The following SNX29 variants were observed in gnomAD, a reference collection of about 807,000 sequenced individuals.
SNX29 encodes the protein sorting nexin 29, also known as sorting nexin-29.
In SNX29, 78 loss-of-function variants were observed where a neutral mutation model predicts 102.1. That is an observed-to-expected ratio of 0.76 (90% confidence interval 0.64 to 0.92). The LOEUF (loss-of-function observed/expected upper bound fraction) is 0.92, where lower values mean the gene tolerates loss of function less well. SNX29 is among the 40% of genes least tolerant of loss of function. The pLI, the probability that SNX29 is intolerant of heterozygous loss-of-function variation, is 0.00. For synonymous variants in SNX29, 580 were observed against 414.5 expected, an observed-to-expected ratio of 1.40 and a Z score of -4.85; for missense variants, 1,280 against 1,061.7, an observed-to-expected ratio of 1.21 and a Z score of -2.86.
intron 19 of SNX29, chr16:12,515,421 T>A: frequency 2.2e-6 from 1 of 449,250 alleles, no homozygotes; most frequent in South Asian, 1.7e-5. Flanking sequence ...GGATGAATGA[T>A]TGCACCCCAT....
At chr16:12,222,650 C>T (rs1022558564) in intron 14 of SNX29, among the ~76,000 whole-genome samples, 3 of 152,176 alleles carry the variant, frequency 2.0e-5, no homozygotes, top group Non-Finnish European at 4.4e-5. Flanking sequence ...CTCCCTGCAA[C>T]TTCTGTCTCC....
chr16:12,039,296 C>T (rs1198116204), intron 4 of SNX29, among the ~76,000 whole-genome samples: 1 of 152,130 alleles, frequency 6.6e-6, no homozygotes, highest in Non-Finnish European at 1.5e-5. Flanking sequence ...CTGGGCGATT[C>T]TGCACTTTTG....
At chr16:12,401,522 C>G (rs140403925) in intron 17 of SNX29, among the ~76,000 whole-genome samples, 1 of 151,720 alleles carries the variant, frequency 6.6e-6, no homozygotes, top group African/African-American at 2.4e-5. Context: ...TGCCACCATG[C>G]CCAGCTAATT....
At chr16:12,553,080 C>T (rs756430722) in intron 20 of SNX29, among the ~76,000 whole-genome samples, 7 of 152,330 alleles carry the variant, frequency 4.6e-5, no homozygotes, top group South Asian at 2.1e-4. Context: ...CACTCACCTG[C>T]ATATAGTTCA....
intron 18 of SNX29, among the ~76,000 whole-genome samples, chr16:12,457,058 G>T (rs562991011): frequency 6.6e-6 from 1 of 152,288 alleles, no homozygotes; most frequent in African/African-American, 2.4e-5. Context: ...TGTGATGTCA[G>T]ACCAGACCCC....
intron 20 of SNX29, among the ~76,000 whole-genome samples, chr16:12,555,904 A>C (rs1049161456): frequency 2.0e-5 from 3 of 151,554 alleles, no homozygotes; most frequent in East Asian, 3.9e-4. Context: ...TCTTGGTCTC[A>C]AACCTTATTT....
chr16:12,235,884 A>C (rs1300450636), intron 14 of SNX29, among the ~76,000 whole-genome samples: 2 of 152,058 alleles, frequency 1.3e-5, no homozygotes, highest in Non-Finnish European at 2.9e-5. Flanking sequence ...GTGTATAGAA[A>C]CCTTAGGAAA....
chr16:12,079,271 A>G (rs2051742797), intron 11 of SNX29, among the ~76,000 whole-genome samples: 1 of 152,228 alleles, frequency 6.6e-6, no homozygotes, highest in Non-Finnish European at 1.5e-5. Flanking sequence ...AGTGAAGAAG[A>G]ATATGTCTCT....
intron 15 of SNX29, among the ~76,000 whole-genome samples, chr16:12,355,400 A>G (rs1418902497): frequency 6.6e-6 from 1 of 152,166 alleles, no homozygotes; most frequent in Non-Finnish European, 1.5e-5. Context: ...TTCGCACTGC[A>G]TACAGTGTAG....
At chr16:12,427,638 G>T (rs911556399) in intron 18 of SNX29, among the ~76,000 whole-genome samples, 2 of 152,220 alleles carry the variant, frequency 1.3e-5, no homozygotes, top group Non-Finnish European at 2.9e-5. Context: ...ATGCTTGGAG[G>T]TTAATAAAAC....
chr16:12,561,890 G>T (rs943504205), intron 20 of SNX29, among the ~76,000 whole-genome samples: 1 of 152,124 alleles, frequency 6.6e-6, no homozygotes, highest in East Asian at 1.9e-4. Flanking sequence ...AGGTGACCGT[G>T]GCATCCCAGG....
At chr16:12,567,053 A>G (rs1197330270) in intron 20 of SNX29, among the ~76,000 whole-genome samples, 1 of 152,264 alleles carries the variant, frequency 6.6e-6, no homozygotes, top group Admixed American at 6.5e-5. Flanking sequence ...TGAAGATGCT[A>G]GGCTGTTTCA....
chr16:12,334,422 A>G (rs1340283591), intron 15 of SNX29, among the ~76,000 whole-genome samples: 2 of 152,064 alleles, frequency 1.3e-5, no homozygotes, highest in Non-Finnish European at 2.9e-5. Context: ...GTGCATTCGA[A>G]TGTTCTTTTG....
At chr16:12,388,487 T>C (rs2083411093) in intron 16 of SNX29, among the ~76,000 whole-genome samples, 1 of 152,250 alleles carries the variant, frequency 6.6e-6, no homozygotes, top group Non-Finnish European at 1.5e-5. Context: ...GAGATTTCCC[T>C]GAAATTACAA....
Position 12,572,915 on chromosome 16 carries a change from T to C in SNX29, c.*4286T>C. Reference sequence around the variant, plus strand: ...CATTTCGCTCGGAATCACGGCAGACTTGGAGTGTTTCTTCAAGGCAGGCAT... The same window carrying C: ...CATTTCGCTCGGAATCACGGCAGACCTGGAGTGTTTCTTCAAGGCAGGCAT... On this transcript the variant is annotated 3_prime_UTR_variant, in exon 21 of 21. Transcript: ENST00000566228. 1 of 990,946 alleles carries C rather than the reference T, an allele frequency of 1.0e-6. No homozygotes were observed. The highest frequency in any genetic ancestry group is 1.2e-6 in the Non-Finnish European group (1 of 812,258). 61.4% of individuals were successfully genotyped at this position (990,946 alleles called of 1,614,324 possible).
intron 20 of SNX29, among the ~76,000 whole-genome samples, chr16:12,559,692 G>A (rs9939547): frequency 0.56 from 85,015 of 151,864 alleles, 24,766 homozygotes; most frequent in Middle Eastern, 0.71. Flanking sequence ...GTAACTTCTC[G>A]AGCTTCCCAT....
At chr16:12,535,713 C>T (rs1420265359) in intron 20 of SNX29, among the ~76,000 whole-genome samples, 4 of 152,096 alleles carry the variant, frequency 2.6e-5, no homozygotes, top group African/African-American at 9.7e-5. Context: ...CTCTGTGCCC[C>T]TTGTAAACAA....
intron 16 of SNX29, among the ~76,000 whole-genome samples, chr16:12,369,902 G>A (rs550482365): frequency 7.2e-5 from 11 of 152,192 alleles, no homozygotes; most frequent in South Asian, 6.2e-4. Flanking sequence ...TTTTTTGAAC[G>A]ATTTCTTCTT....
At chr16:12,527,368 AAAT>A in intron 20 of SNX29, 1 of 505,802 alleles carries the variant, frequency 2.0e-6, no homozygotes, top group Non-Finnish European at 3.8e-6. Context: ...AAAAAATAAA[AAAT>A]AAAAATCTCC....
Sources: allele counts gnomAD v4.1 joint callset (sites outside exome capture counted in the v4.1 genomes callset), GRCh38; gene constraint gnomAD v4.1.1; transcripts MANE v1.5; gene names NCBI Gene and HGNC (gene_info 2026-07-23, HGNC 2026-07-21).